OGA: variants seen among roughly 807,000 people sequenced by gnomAD.
OGA encodes the protein protein O-GlcNAcase.
A neutral mutation model predicts 102.0 loss-of-function variants in OGA; 21 were observed. The ratio of observed to expected loss-of-function variants is 0.21; its 90% CI spans 0.15 to 0.30. The LOEUF is 0.30. OGA is among the 10% of genes least tolerant of loss of function. OGA has a pLI of 1.00. For synonymous variants in OGA, 408 were observed against 378.2 expected (o/e 1.08, Z -0.91); for missense variants, 765 against 1,107.8 (o/e 0.69, Z 4.39).
intron 10 of OGA, chr10:101,797,353 A>G (rs1157413522): frequency 6.6e-6 from 1 of 152,218 alleles, no homozygotes; most frequent in Non-Finnish European, 1.5e-5. Flanking sequence ...AAAAAAAATC[A>G]GTGTTCAAAG....
chr10:101,806,063 T>C lies in OGA; in HGVS notation c.733A>G (p.Ile245Val). Residue 245 changes from isoleucine (I) to valine (V), a missense_variant, in exon 6 of 16, where the codon ATT becomes GTT. This residue lies in a region of OGA where 165 missense variants were observed against 249.7 expected (regional missense o/e 0.66). Coordinates refer to ENST00000361464, the MANE Select transcript of OGA (RefSeq NM_012215.5). ...RTVGEKLLPG[I>V]EVLWTGPKVV... ...GACTTACCTGTCCAAAGCACTTCAA[T>C]TCCAGGTAGAAGCTTTTCACCCACA... 1 of 1,607,636 alleles carries C rather than the reference T, an allele frequency of 6.2e-7. No homozygotes were observed. Among genetic ancestry groups the C allele is most frequent in the South Asian group, 1.1e-5 (1 of 90,968 alleles).
chr10:101,816,958 A>C (rs929919649), intron 1 of OGA, among the ~76,000 whole-genome samples: 5 of 152,232 alleles, frequency 3.3e-5, no homozygotes, highest in Non-Finnish European at 7.3e-5. Context: ...GGAAACTCTG[A>C]ATCGGCCAAA....
Position 101,793,949 on chromosome 10 carries a change from G to A in OGA, c.2034C>T (p.Pro678=), listed in dbSNP as rs984828142. 7 of 1,613,632 alleles carry A rather than the reference G, an allele frequency of 4.3e-6. No homozygotes were observed. Among genetic ancestry groups the A allele is most frequent in the South Asian group, 1.1e-5 (1 of 91,070 alleles). ...CTGCTAGACCACCTCTAAAGGCCCA[G>A]GGTTCTTGGTCTCCAATTAAGAATT... ...SAQFLIGDQE[P]WAFRGGLAGE... The change falls in exon 11 of 16, where the codon CCC becomes CCT. Residue 678 remains proline (P), a synonymous_variant. Transcript: ENST00000361464.
In OGA at chr10:101,818,205, G is replaced by C; in HGVS notation, c.-183C>G. 7.4e-7 allele frequency: 1 copy of C among 1,347,806 alleles called. No homozygotes were observed. The highest frequency in any genetic ancestry group is 3.6e-5 in the Admixed American group (1 of 27,732). The allele number at this position is 1,347,806 out of a possible 1,614,324, so 83.5% of individuals were successfully genotyped here. On this transcript the variant is annotated 5_prime_UTR_variant, in exon 1 of 16. Transcript: ENST00000361464. Reference sequence around the variant, plus strand: ...ACCCGAATGCCCGGATGAGAAGGGCGGCGGCACCGGCGCGAGCCCTTTGTC... The same window carrying C: ...ACCCGAATGCCCGGATGAGAAGGGCCGCGGCACCGGCGCGAGCCCTTTGTC...
chr10:101,806,780 T>C (rs899377546), intron 5 of OGA, among the ~76,000 whole-genome samples: 12 of 152,120 alleles, frequency 7.9e-5, no homozygotes, highest in African/African-American at 2.7e-4. Context: ...AATACAAGAA[T>C]ATGCCAATGG....
At position 101,806,163 on chromosome 10, in the gene OGA, TA is replaced by T. The variant is rs771995763; in HGVS notation, c.653-21del. 4.7e-5 allele frequency: 68 copies of T among 1,449,234 alleles called. No individual in the cohort carries two copies. The highest frequency in any genetic ancestry group is 6.3e-5 in the Non-Finnish European group (65 of 1,032,636). The allele number at this position is 1,449,234 out of a possible 1,614,324, so 89.8% of individuals were successfully genotyped here. ...AGTATTCTAAATGTAGGGAGAAAAG[TA>T]AAAAAGTCAGAATTAAAATGCTCAT... On this transcript the variant is annotated intron_variant, in intron 5 of 15. Coordinates refer to ENST00000361464, the MANE Select transcript of OGA (RefSeq NM_012215.5).
intron 15 of OGA, among the ~76,000 whole-genome samples, chr10:101,787,035 C>CT (rs1359033648): frequency 1.3e-5 from 2 of 150,330 alleles, no homozygotes; most frequent in African/African-American, 2.5e-5. Context: ...CCGTGCCCGG[C>CT]CTTTTTTTTT....
chr10:101,785,000 T>G lies in OGA; in HGVS notation c.*1451A>C, dbSNP rs546204068. 1 of 152,358 alleles carries G rather than the reference T, an allele frequency of 6.6e-6. No individual in the cohort carries two copies. Among genetic ancestry groups the G allele is most frequent in the South Asian group, 2.1e-4 (1 of 4,826 alleles). The allele number at this position is 152,358 out of a possible 1,614,324, so 9.4% of individuals were successfully genotyped here. A position where few individuals can be genotyped will look rare whatever the true frequency, so the allele number is the denominator to read the frequency against. On this transcript the variant is annotated 3_prime_UTR_variant, in exon 16 of 16. Coordinates refer to ENST00000361464, the MANE Select transcript of OGA (RefSeq NM_012215.5). ...ACTAGGTACCACTAGGTACAATGCTTTAGGGCTCTCTCAAAGCCCACAATG... is the reference window on the plus strand; with the variant it reads ...ACTAGGTACCACTAGGTACAATGCTGTAGGGCTCTCTCAAAGCCCACAATG...
In OGA at chr10:101,787,389, G is replaced by A. The variant is rs2065203183; in HGVS notation, c.2589C>T (p.Cys863=). The A allele has an allele frequency of 6.2e-7, 1 of 1,613,596 alleles. No homozygotes were observed. The change falls in exon 15 of 16, where the codon TGC becomes TGT. Residue 863 remains cysteine, a synonymous_variant. Coordinates refer to ENST00000361464, the MANE Select transcript of OGA (RefSeq NM_012215.5). Reference sequence around the variant, plus strand: ...CATTAGCCTTCAGTGAAGACAGGAGGCAAGCCATCATGCTTTTGGCCACAC... The same window carrying A: ...CATTAGCCTTCAGTGAAGACAGGAGACAAGCCATCATGCTTTTGGCCACAC... ...DPSVAKSMMA[C]LLSSLKANGS...
At chr10:101,799,578 C>A in intron 8 of OGA, 123 bp from the exon 9 acceptor site, 4 of 1,041,092 alleles carry the variant, frequency 3.8e-6, no homozygotes, top group Non-Finnish European at 5.5e-6. Flanking sequence ...AATTTTAGAT[C>A]CAAATTAATT....
At chr10:101,802,354 C>A (rs904901455) in intron 7 of OGA, among the ~76,000 whole-genome samples, 3 of 152,182 alleles carry the variant, frequency 2.0e-5, no homozygotes, top group Admixed American at 2.0e-4. Flanking sequence ...TGCCTATAAG[C>A]CTTACCCAAC....
At chr10:101,790,843 T>C in intron 14 of OGA, 53 bp downstream of exon 14, 1 of 1,281,808 alleles carries the variant, frequency 7.8e-7, no homozygotes, top group Non-Finnish European at 1.1e-6. Flanking sequence ...AAAATAAAAA[T>C]AAATAAATAA....
At chr10:101,800,096 C>G in intron 8 of OGA, 146 bp downstream of exon 8, 1 of 802,340 alleles carries the variant, frequency 1.2e-6, no homozygotes, top group Non-Finnish European at 2.0e-6. Flanking sequence ...TGGTCTCGAA[C>G]TCCTGACCTC....
rs2065495233 is a variant in OGA, at chr10:101,807,785, T to C, written c.597A>G (p.Thr199=). Residue 199 remains threonine (T), a synonymous_variant, in exon 5 of 16, where the codon ACA becomes ACG. Transcript: ENST00000361464. ...SSFAHAQVSI[T]NEIYQYLGEP... ...CTCCTAGGTACTGATAGATTTCATT[T>C]GTGATGGAGACTTGGGCATGAGCAA... is the stretch of plus-strand genomic sequence containing the variant. The C allele has an allele frequency of 6.2e-7, 1 of 1,612,248 alleles. No individual in the cohort carries two copies. The highest frequency in any genetic ancestry group is 1.3e-5 in the African/African-American group (1 of 74,816).
intron 12 of OGA, 23 bp downstream of exon 12, chr10:101,792,816 T>A (rs775017700): frequency 6.6e-7 from 1 of 1,509,242 alleles, no homozygotes; most frequent in Non-Finnish European, 9.2e-7. Context: ...ATACACCAAG[T>A]TGGTAGGTAG....
At chr10:101,810,510 A>T (rs1205065707) in intron 3 of OGA, among the ~76,000 whole-genome samples, 196 bp from the exon 4 acceptor site, 1 of 152,258 alleles carries the variant, frequency 6.6e-6, no homozygotes, top group Non-Finnish European at 1.5e-5. Flanking sequence ...ATGTCACAGT[A>T]AGGGAAAAAG....
chr10:101,785,534 TA>T lies in OGA; in HGVS notation c.*916del, dbSNP rs1482517100. The T allele has an allele frequency of 1.3e-5, 2 of 152,746 alleles. No individual in the cohort carries two copies. Among genetic ancestry groups the T allele is most frequent in the Non-Finnish European group, 2.9e-5 (2 of 68,032 alleles). The allele number at this position is 152,746 out of a possible 1,614,324, so 9.5% of individuals were successfully genotyped here. ...CTGCACTTTTCAACAGATTAAGTCC[TA>T]CAAAATTAGGCTCTCGTACCCCAAA... On this transcript the variant is annotated 3_prime_UTR_variant, in exon 16 of 16. Transcript: ENST00000361464.
chr10:101,813,527 C>T, intron 2 of OGA, 28 bp downstream of exon 2: 1 of 1,401,646 alleles, frequency 7.1e-7, no homozygotes, highest in East Asian at 2.4e-5. Context: ...TAAGGTTCTC[C>T]TCTCTCCTTC....
rs770207203 is a variant in OGA, at chr10:101,818,331, T to C, written c.-309A>G. The C allele has an allele frequency of 4.2e-5, 49 of 1,162,442 alleles. No homozygotes were observed. Among genetic ancestry groups the C allele is most frequent in the Non-Finnish European group, 4.9e-5 (46 of 940,106 alleles). 72.0% of individuals were successfully genotyped at this position (1,162,442 alleles called of 1,614,324 possible). On this transcript the variant is annotated 5_prime_UTR_variant, in exon 1 of 16. Coordinates refer to ENST00000361464, the MANE Select transcript of OGA (RefSeq NM_012215.5). ...AAGAAGACGGCCAAGGGTCCTGTCC[T>C]CGTTCTCTGCCTCTGCTGCCCTCCC...
Sources: allele counts gnomAD v4.1 joint callset (sites outside exome capture counted in the v4.1 genomes callset), GRCh38; gene constraint gnomAD v4.1.1; regional missense constraint gnomAD v4.1.1; transcripts MANE v1.5; gene names NCBI Gene and HGNC (gene_info 2026-07-23, HGNC 2026-07-21).